Variants in QKI observed in about 807,000 individuals in gnomAD.
QKI encodes QKI, KH domain containing RNA binding.
A neutral mutation model predicts 39.0 loss-of-function variants in QKI; 10 were observed. The observed-to-expected ratio is 0.26, with a 90% CI of 0.16 to 0.43. The LOEUF (loss-of-function observed/expected upper bound fraction) is 0.43, where lower values mean the gene tolerates loss of function less well. Among genes scored for constraint, QKI ranks in the 20% least tolerant of loss-of-function variants. QKI has a pLI of 1.00. For synonymous variants in QKI, 204 were observed against 155.4 expected (o/e 1.31, Z -2.33); for missense variants, 218 against 428.0 (o/e 0.51, Z 4.33).
At chr6:163,451,627 GC>G (rs1460660370) in intron 1 of QKI, among the ~76,000 whole-genome samples, 3 of 152,130 alleles carry the variant, frequency 2.0e-5, no homozygotes, top group African/African-American at 7.2e-5. Context: ...GAAAATACAT[GC>G]CTGGGGTTCA....
At chr6:163,424,178 C>T (rs1416419769) in intron 1 of QKI, among the ~76,000 whole-genome samples, 1 of 152,072 alleles carries the variant, frequency 6.6e-6, no homozygotes, top group Non-Finnish European at 1.5e-5. Context: ...TGTTACATGG[C>T]AGGTGAATAC....
rs1783703543 is a variant in QKI at position 163,571,599 on chromosome 6, A to G, written c.*889A>G. On this transcript the variant is annotated 3_prime_UTR_variant, in exon 8 of 8. Transcript: ENST00000361752. ...GTATACATGTAATGAAATTGTAGAT[A>G]AAGTGTAGTGCATTGAAACAAATGA... is the stretch of plus-strand genomic sequence containing the variant. 6.6e-6 allele frequency: 1 copy of G among 152,166 alleles called. No homozygotes were observed. Among genetic ancestry groups the G allele is most frequent in the South Asian group, 2.1e-4 (1 of 4,832 alleles). The allele number at this position is 152,166 out of a possible 1,614,324, so 9.4% of individuals were successfully genotyped here.
intron 1 of QKI, among the ~76,000 whole-genome samples, chr6:163,421,180 C>T (rs1305776856): frequency 6.6e-6 from 1 of 152,152 alleles, no homozygotes; most frequent in Non-Finnish European, 1.5e-5. Flanking sequence ...GGAAAAGGCA[C>T]TTATATGTTT....
At chr6:163,422,796 G>C (rs1788091303) in intron 1 of QKI, among the ~76,000 whole-genome samples, 1 of 152,162 alleles carries the variant, frequency 6.6e-6, no homozygotes, top group Non-Finnish European at 1.5e-5. Flanking sequence ...CTGGCCTTAA[G>C]TAAGCACCTC....
At chr6:163,549,373 A>G (rs1484711480) in intron 4 of QKI, among the ~76,000 whole-genome samples, 1 of 152,166 alleles carries the variant, frequency 6.6e-6, no homozygotes, top group Non-Finnish European at 1.5e-5. Context: ...TGCTGTGAAT[A>G]ACTTAAGACT....
chr6:163,436,840 T>C (rs1385538695), intron 1 of QKI, among the ~76,000 whole-genome samples: 1 of 151,912 alleles, frequency 6.6e-6, no homozygotes, highest in African/African-American at 2.4e-5. Context: ...AGTATTCCTT[T>C]TCTTGCTAAA....
intron 1 of QKI, chr6:163,423,581 C>G (rs536472232): frequency 6.6e-6 from 1 of 152,286 alleles, no homozygotes; most frequent in African/African-American, 2.4e-5. Context: ...GCTGTTGCCT[C>G]AAGTTGTGAA....
intron 3 of QKI, among the ~76,000 whole-genome samples, chr6:163,534,716 G>A (rs1277819530): frequency 3.3e-5 from 5 of 152,286 alleles, no homozygotes; most frequent in East Asian, 1.9e-4. Flanking sequence ...ATAGGAGCAC[G>A]CTTGGGGCTG....
chr6:163,416,309 C>T (rs4112651), intron 1 of QKI: 15,189 of 192,740 alleles, frequency 0.079, 656 homozygotes, highest in Middle Eastern at 0.13. Flanking sequence ...AAGAAGTTCT[C>T]ATAGCAGTAC....
rs1783760285 is a variant in QKI, at chr6:163,572,670, A to ACCCCCCACCCCCCCCCC, written c.*1966_*1967insACCCCCCCCCCCCCCCC. 5.1e-5 allele frequency: 1 copy of ACCCCCCACCCCCCCCCC among 19,630 alleles called. No individual in the cohort carries two copies. The highest frequency in any genetic ancestry group is 8.4e-5 in the Non-Finnish European group (1 of 11,854). The allele number at this position is 19,630 out of a possible 1,614,324, so 1.2% of individuals were successfully genotyped here. ...CGTGGCAAATCTCAAGTGACAGTGG[A>ACCCCCCACCCCCCCCCC]CCCCCCCCCCCGCCCAGCTTATCAA... is the stretch of plus-strand genomic sequence containing the variant. On this transcript the variant is annotated 3_prime_UTR_variant, in exon 8 of 8. Transcript: ENST00000361752.
intron 2 of QKI, among the ~76,000 whole-genome samples, chr6:163,458,114 T>C (rs1351340395): frequency 6.6e-6 from 1 of 151,932 alleles, no homozygotes; most frequent in Non-Finnish European, 1.5e-5. Flanking sequence ...AGGGGCAGTG[T>C]CATGCCGTGG....
At chr6:163,554,108 A>G (rs1782435653) in intron 4 of QKI, among the ~76,000 whole-genome samples, 1 of 152,196 alleles carries the variant, frequency 6.6e-6, no homozygotes, top group Admixed American at 6.5e-5. Flanking sequence ...AGCTACTTCA[A>G]GAACCTCAGG....
At chr6:163,559,897 T>A (rs1168563060) in intron 4 of QKI, among the ~76,000 whole-genome samples, 1 of 152,162 alleles carries the variant, frequency 6.6e-6, no homozygotes, top group Non-Finnish European at 1.5e-5. Flanking sequence ...AATTGTTGCA[T>A]TGTGTTACTT....
intron 1 of QKI, among the ~76,000 whole-genome samples, chr6:163,444,323 A>G (rs1275793761): frequency 6.6e-6 from 1 of 152,230 alleles, no homozygotes; most frequent in African/African-American, 2.4e-5. Flanking sequence ...AATGAGACCC[A>G]GAAGGTTCAG....
rs1783677404 is a variant in QKI, at chr6:163,571,057, G to C, written c.*347G>C. On this transcript the variant is annotated 3_prime_UTR_variant, in exon 8 of 8. Coordinates refer to ENST00000361752, the MANE Select transcript of QKI (RefSeq NM_006775.3). ...CCTCTCTTAAGAAGGGGAGACAGAT[G>C]GTCCTTAACTACTCAATGACAGAGG... The C allele has an allele frequency of 5.3e-6, 1 of 187,682 alleles. No individual in the cohort carries two copies. Among genetic ancestry groups the C allele is most frequent in the South Asian group, 1.8e-4 (1 of 5,482 alleles). The allele number at this position is 187,682 out of a possible 1,614,324, so 11.6% of individuals were successfully genotyped here.
Position 163,468,497 on chromosome 6 carries a change from T to G in QKI, c.286-10283T>G, listed in dbSNP as rs114854845. ...TTTAAAAAGGTTAATGGAAGGGTTT[T>G]CTATAATGCTTTACATTTTGTCATT... On this transcript the variant is annotated intron_variant, in intron 2 of 7. Coordinates refer to ENST00000361752, the MANE Select transcript of QKI (RefSeq NM_006775.3). 2.9e-3 allele frequency among the ~76,000 whole-genome samples: 436 copies of G among 152,322 alleles called. 2 individuals are homozygous for G. The highest frequency in any genetic ancestry group is 9.7e-3 in the African/African-American group (404 of 41,586).
At position 163,484,598 on chromosome 6, in the gene QKI, G is replaced by C. The variant is rs1793329520; in HGVS notation, c.402+5702G>C. On this transcript the variant is annotated intron_variant, in intron 3 of 7. Coordinates refer to ENST00000361752, the MANE Select transcript of QKI (RefSeq NM_006775.3). ...CCAGTTGCATTAGCCCCTAACAAGA[G>C]AATCAGCCTGTCTTTGGAAGGTTTG... Among the ~76,000 whole-genome samples, 3 of 152,148 alleles carry C rather than the reference G, an allele frequency of 2.0e-5. No homozygotes were observed. In the South Asian group the frequency reaches 6.2e-4, roughly 31 times the overall value.
At chr6:163,459,319 G>A (rs1208444083) in intron 2 of QKI, among the ~76,000 whole-genome samples, 1 of 152,158 alleles carries the variant, frequency 6.6e-6, no homozygotes, top group Non-Finnish European at 1.5e-5. Flanking sequence ...GGGGACATTT[G>A]GCAATACTAG....
intron 3 of QKI, among the ~76,000 whole-genome samples, chr6:163,516,892 T>G (rs1167762107): frequency 6.6e-6 from 1 of 152,166 alleles, no homozygotes; most frequent in Non-Finnish European, 1.5e-5. Flanking sequence ...CATATCATAA[T>G]GTTAGCCTCT....
Sources: gnomAD v4.1 joint callset for allele counts (sites outside exome capture counted in the v4.1 genomes callset) on GRCh38, gnomAD v4.1.1 for gene constraint, MANE v1.5 for transcripts, NCBI Gene and HGNC (gene_info 2026-07-23, HGNC 2026-07-21) for gene names.